Variants in RIMS4 observed in about 807,000 individuals in gnomAD.
RIMS4 encodes the protein regulating synaptic membrane exocytosis 4, also known as regulating synaptic membrane exocytosis protein 4.
A neutral mutation model predicts 29.0 loss-of-function variants in RIMS4; 9 were observed. The ratio of observed to expected loss-of-function variants is 0.31; its 90% CI spans 0.19 to 0.54. The LOEUF (loss-of-function observed/expected upper bound fraction) is 0.54. Among genes scored for constraint, RIMS4 ranks in the 20% least tolerant of loss-of-function variants. The pLI is 0.94. For missense variants in RIMS4, 193 were observed against 365.7 expected (o/e 0.53, Z 3.85); for synonymous variants, 130 against 152.9 (o/e 0.85, Z 1.10).
At position 44,752,226 on chromosome 20, in the gene RIMS4, G is replaced by A. The variant is rs1165042930; in HGVS notation, c.*3908C>T. The A allele has an allele frequency of 6.6e-6, 1 of 152,274 alleles. No homozygotes were observed. The highest frequency in any genetic ancestry group is 1.5e-5 in the Non-Finnish European group (1 of 68,082). The allele number at this position is 152,274 out of a possible 1,614,324, so 9.4% of individuals were successfully genotyped here. On this transcript the variant is annotated 3_prime_UTR_variant, in exon 6 of 6. Coordinates refer to ENST00000372851, the MANE Select transcript of RIMS4 (RefSeq NM_182970.4). Reference sequence around the variant, plus strand: ...ATGTGGGGCCCTCCCAGAGGGCCTCGGAGACACCATAGGGGAACAGGGAGA... The same window carrying A: ...ATGTGGGGCCCTCCCAGAGGGCCTCAGAGACACCATAGGGGAACAGGGAGA...
chr20:44,763,966 T>C (rs1426721184), intron 2 of RIMS4, among the ~76,000 whole-genome samples: 4 of 148,424 alleles, frequency 2.7e-5, no homozygotes, highest in Non-Finnish European at 4.5e-5. Flanking sequence ...ATCCATCCAT[T>C]TATCCATCCA....
chr20:44,767,345 G>A (rs1187106150), intron 2 of RIMS4, among the ~76,000 whole-genome samples: 1 of 152,160 alleles, frequency 6.6e-6, no homozygotes, highest in African/African-American at 2.4e-5. Context: ...AGATGGGCCT[G>A]GCCTGGTGGC....
intron 1 of RIMS4, among the ~76,000 whole-genome samples, chr20:44,784,093 G>T (rs1568902159): frequency 6.6e-6 from 1 of 152,176 alleles, no homozygotes. Context: ...CCACAGGCAG[G>T]GAGGCTCCCC....
At chr20:44,763,314 T>C (rs1347971440) in intron 2 of RIMS4, among the ~76,000 whole-genome samples, 1 of 152,186 alleles carries the variant, frequency 6.6e-6, no homozygotes, top group Non-Finnish European at 1.5e-5. Flanking sequence ...TGCCGAGTTG[T>C]TGGGGAGAGT....
intron 1 of RIMS4, among the ~76,000 whole-genome samples, chr20:44,800,985 G>A (rs1238411885): frequency 6.6e-6 from 1 of 152,204 alleles, no homozygotes; most frequent in African/African-American, 2.4e-5. Flanking sequence ...TACAGGAAAA[G>A]GAAAGGCGGC....
chr20:44,809,526 G>A (rs373638511), intron 1 of RIMS4, among the ~76,000 whole-genome samples: 20 of 152,196 alleles, frequency 1.3e-4, no homozygotes, highest in East Asian at 9.7e-4. Flanking sequence ...GCGGACAAGT[G>A]TAGAGTTGGC....
chr20:44,758,187 G>GC lies in RIMS4; in HGVS notation c.237-4dup. 6.2e-7 allele frequency: 1 copy of GC among 1,603,102 alleles called. No homozygotes were observed. Among genetic ancestry groups the GC allele is most frequent in the South Asian group, 1.1e-5 (1 of 89,914 alleles). ...GGCAAACTCCTCCATAGTTAAGGCT[G>GC]CAAGAGGAAAAGGTGAGACAAAGCA... is the stretch of plus-strand genomic sequence containing the variant. On this transcript the variant is annotated splice_region_variant and splice_polypyrimidine_tract_variant and intron_variant, in intron 2 of 5. Coordinates refer to ENST00000372851, the MANE Select transcript of RIMS4 (RefSeq NM_182970.4).
chr20:44,808,097 T>TATAC (rs143504292), intron 1 of RIMS4, among the ~76,000 whole-genome samples: 3,089 of 150,714 alleles, frequency 0.02, 45 homozygotes, highest in Middle Eastern at 0.086. Context: ...TATATATATA[T>TATAC]ACACACACAC....
At chr20:44,785,571 G>A (rs1159897495) in intron 1 of RIMS4, among the ~76,000 whole-genome samples, 2 of 152,064 alleles carry the variant, frequency 1.3e-5, no homozygotes, top group Non-Finnish European at 2.9e-5. Flanking sequence ...GCAGAAAAGA[G>A]GATGCAACAG....
Position 44,810,504 on chromosome 20 carries a change from C to CGGCGGCGGCGGCGGCGGCGGT in RIMS4, c.-234_-233insACCGCCGCCGCCGCCGCCGCC. Among the ~76,000 whole-genome samples, 1 of 144,052 alleles carries CGGCGGCGGCGGCGGCGGCGGT rather than the reference C, an allele frequency of 6.9e-6. No homozygotes were observed. Among genetic ancestry groups the CGGCGGCGGCGGCGGCGGCGGT allele is most frequent in the Admixed American group, 6.9e-5 (1 of 14,572 alleles). 94.5% of individuals were successfully genotyped at this position (144,052 alleles called of 152,430 possible). ...CGCGCTGTGCTGCTGGCGGCGGCGG[C>CGGCGGCGGCGGCGGCGGCGGT]GGCGGCGGCGGTGGCGGCGGCGGTG... On this transcript the variant is annotated 5_prime_UTR_variant, in exon 1 of 6. Coordinates refer to ENST00000372851, the MANE Select transcript of RIMS4 (RefSeq NM_182970.4).
intron 1 of RIMS4, among the ~76,000 whole-genome samples, chr20:44,807,197 C>T (rs1258155547): frequency 1.3e-5 from 2 of 152,160 alleles, no homozygotes; most frequent in Non-Finnish European, 2.9e-5. Context: ...AGGGAAGATG[C>T]CCCTTGAGAG....
intron 1 of RIMS4, among the ~76,000 whole-genome samples, chr20:44,774,250 T>G (rs2145456574): frequency 6.6e-6 from 1 of 152,296 alleles, no homozygotes; most frequent in South Asian, 2.1e-4. Flanking sequence ...TCTTCCTCAC[T>G]TCCAAATGTC....
At chr20:44,781,879 C>T (rs1353904046) in intron 1 of RIMS4, among the ~76,000 whole-genome samples, 1 of 152,182 alleles carries the variant, frequency 6.6e-6, no homozygotes, top group Non-Finnish European at 1.5e-5. Flanking sequence ...ACAATCCACA[C>T]AGCATTCAAG....
At chr20:44,794,109 C>T (rs953896904) in intron 1 of RIMS4, among the ~76,000 whole-genome samples, 9 of 152,174 alleles carry the variant, frequency 5.9e-5, no homozygotes, top group South Asian at 2.1e-4. Context: ...CCAATTCTAC[C>T]GCCAGCCAGG....
chr20:44,768,676 G>A (rs1362982129), intron 2 of RIMS4, among the ~76,000 whole-genome samples: 1 of 152,170 alleles, frequency 6.6e-6, no homozygotes, highest in African/African-American at 2.4e-5. Flanking sequence ...CCCTGCTGCT[G>A]GACCCGTCAC....
chr20:44,792,062 T>A (rs1005910517), intron 1 of RIMS4, among the ~76,000 whole-genome samples: 1 of 152,230 alleles, frequency 6.6e-6, no homozygotes, highest in East Asian at 1.9e-4. Flanking sequence ...GACTCAGCAC[T>A]CTCTGCTAAA....
intron 1 of RIMS4, among the ~76,000 whole-genome samples, chr20:44,782,614 T>A (rs1347779751): frequency 6.6e-6 from 1 of 152,166 alleles, no homozygotes; most frequent in African/African-American, 2.4e-5. Context: ...TATGGTTCTA[T>A]CCCACGAACT....
intron 1 of RIMS4, among the ~76,000 whole-genome samples, chr20:44,785,548 A>G (rs1449828114): frequency 6.6e-6 from 1 of 152,132 alleles, no homozygotes; most frequent in Non-Finnish European, 1.5e-5. Flanking sequence ...CAAACCTGCA[A>G]ATCTTAGTTC....
At chr20:44,776,149 G>C (rs1033984723) in intron 1 of RIMS4, among the ~76,000 whole-genome samples, 10 of 152,154 alleles carry the variant, frequency 6.6e-5, no homozygotes, top group African/African-American at 1.7e-4. Flanking sequence ...CGGGCATGGT[G>C]GTGGGCACCT....
Sources: gnomAD v4.1 joint callset for allele counts (sites outside exome capture counted in the v4.1 genomes callset) on GRCh38, gnomAD v4.1.1 for gene constraint, MANE v1.5 for transcripts, NCBI Gene and HGNC (gene_info 2026-07-23, HGNC 2026-07-21) for gene names.